TLE4: variants seen among roughly 807,000 people sequenced by gnomAD.
TLE4 encodes transducin-like enhancer protein 4.
A neutral mutation model predicts 92.8 loss-of-function variants in TLE4; 8 were observed. The ratio of observed to expected loss-of-function variants is 0.09; its 90% CI spans 0.05 to 0.16. The LOEUF is 0.16. Among genes scored for constraint, TLE4 ranks in the 10% least tolerant of loss-of-function variants. The probability of loss-of-function intolerance (pLI) is 1.00; values close to 1 mark genes in which losing one functional copy is unlikely to be tolerated. For synonymous variants in TLE4, 371 were observed against 374.1 expected (o/e 0.99, Z 0.10); for missense variants, 675 against 997.6 (o/e 0.68, Z 4.36).
At chr9:79,661,226 C>CT (rs1016878433) in intron 8 of TLE4, among the ~76,000 whole-genome samples, 39 of 152,078 alleles carry the variant, frequency 2.6e-4, no homozygotes, top group African/African-American at 8.7e-4. Flanking sequence ...CGTTCACCAT[C>CT]TTTTTTTTGT....
intron 6 of TLE4, among the ~76,000 whole-genome samples, chr9:79,634,366 T>G (rs1167919064): frequency 6.6e-6 from 1 of 152,176 alleles, no homozygotes; most frequent in Admixed American, 6.6e-5. Flanking sequence ...GAGAAATAGT[T>G]AATAAAAAAC....
chr9:79,719,786 G>A (rs1355015272), intron 15 of TLE4, among the ~76,000 whole-genome samples: 34 of 152,158 alleles, frequency 2.2e-4, no homozygotes, highest in Admixed American at 2.2e-3. Flanking sequence ...TTAATTTGGT[G>A]GTGGTGGGAG....
intron 12 of TLE4, 33 bp from the exon 13 acceptor site, chr9:79,708,560 C>A (rs2072337964): frequency 1.3e-6 from 2 of 1,584,458 alleles, no homozygotes; most frequent in South Asian, 1.1e-5. Context: ...TTCCTGTGTT[C>A]TTCATTTTTC....
chr9:79,650,785 C>G (rs929795788), intron 6 of TLE4, among the ~76,000 whole-genome samples: 4 of 152,000 alleles, frequency 2.6e-5, no homozygotes, highest in Non-Finnish European at 5.9e-5. Flanking sequence ...TGTAAACTTG[C>G]TTTTCAAAGT....
intron 14 of TLE4, among the ~76,000 whole-genome samples, chr9:79,711,015 C>G (rs1227617214): frequency 6.6e-6 from 1 of 152,172 alleles, no homozygotes; most frequent in East Asian, 1.9e-4. Context: ...TAGTTTTCAC[C>G]CTGGTGTTAA....
At chr9:79,621,630 A>G (rs1326201613) in intron 5 of TLE4, among the ~76,000 whole-genome samples, 1 of 152,106 alleles carries the variant, frequency 6.6e-6, no homozygotes, top group Admixed American at 6.5e-5. Flanking sequence ...TGGATAGAGT[A>G]GTGGCCTTTG....
chr9:79,710,987 C>G (rs1188076877), intron 14 of TLE4, among the ~76,000 whole-genome samples: 1 of 152,182 alleles, frequency 6.6e-6, no homozygotes, highest in Non-Finnish European at 1.5e-5. Flanking sequence ...TTTATTCACT[C>G]CCACACACTC....
At chr9:79,579,299 A>G (rs1204956082) in intron 4 of TLE4, among the ~76,000 whole-genome samples, 1 of 152,218 alleles carries the variant, frequency 6.6e-6, no homozygotes, top group African/African-American at 2.4e-5. Flanking sequence ...AGTTGATAGC[A>G]TTACTAAATG....
chr9:79,619,746 G>A (rs185620362), intron 5 of TLE4, among the ~76,000 whole-genome samples: 4 of 152,300 alleles, frequency 2.6e-5, no homozygotes, highest in Non-Finnish European at 5.9e-5. Flanking sequence ...GCCATATATC[G>A]GAAGAATGTC....
chr9:79,672,072 C>A (rs1322066747), intron 8 of TLE4, among the ~76,000 whole-genome samples: 1 of 129,556 alleles, frequency 7.7e-6, no homozygotes, highest in Non-Finnish European at 1.5e-5. Flanking sequence ...GTGATTAGTG[C>A]CCTGCTACAT....
intron 6 of TLE4, among the ~76,000 whole-genome samples, chr9:79,651,039 CTCTCTCTCT>C (rs2058882568): frequency 2.7e-5 from 1 of 36,382 alleles, no homozygotes; most frequent in Admixed American, 4.1e-4. Flanking sequence ...CGATCTCTCT[CTCTCTCTCT>C]CTCTCTCTCT....
chr9:79,625,383 T>TTCTTAAAC (rs2052340934), intron 5 of TLE4, among the ~76,000 whole-genome samples: 1 of 152,178 alleles, frequency 6.6e-6, no homozygotes, highest in Non-Finnish European at 1.5e-5. Context: ...GTTCTATGTT[T>TTCTTAAAC]TTGATCGCTT....
intron 6 of TLE4, among the ~76,000 whole-genome samples, chr9:79,646,830 T>C (rs2058176439): frequency 6.6e-6 from 1 of 152,198 alleles, no homozygotes; most frequent in South Asian, 2.1e-4. Context: ...TTGATAAAAA[T>C]TGCTCCCTTC....
chr9:79,722,698 C>G (rs2075830000), intron 18 of TLE4, 97 bp downstream of exon 18: 6 of 1,426,292 alleles, frequency 4.2e-6, no homozygotes. Context: ...AGTTCATTAC[C>G]ATGCCCCTCT....
At chr9:79,652,517 C>T in intron 6 of TLE4, 76 bp from the exon 7 acceptor site, 1 of 1,545,536 alleles carries the variant, frequency 6.5e-7, no homozygotes, top group Non-Finnish European at 8.9e-7. Context: ...CGATTTATGC[C>T]TCCTTTCTGT....
intron 8 of TLE4, among the ~76,000 whole-genome samples, chr9:79,689,534 A>G (rs1161765418): frequency 6.6e-6 from 1 of 152,190 alleles, no homozygotes; most frequent in Non-Finnish European, 1.5e-5. Flanking sequence ...CTTTGTCAGC[A>G]TTGTAGAGTC....
At chr9:79,600,350 G>A (rs1309257205) in intron 4 of TLE4, among the ~76,000 whole-genome samples, 1 of 152,040 alleles carries the variant, frequency 6.6e-6, no homozygotes. Context: ...TTTTCAGTTT[G>A]TGGTTGGGGA....
intron 8 of TLE4, among the ~76,000 whole-genome samples, chr9:79,658,513 T>C (rs2060079830): frequency 6.6e-6 from 1 of 152,210 alleles, no homozygotes; most frequent in Non-Finnish European, 1.5e-5. Context: ...ATTGCTTTTT[T>C]CTATCCCCCA....
At position 79,725,211 on chromosome 9, in the gene TLE4, C is replaced by T. The variant is rs58220140; in HGVS notation, c.*67C>T. The T allele has an allele frequency of 8.7e-7, 1 of 1,149,108 alleles. No homozygotes were observed. 71.2% of individuals were successfully genotyped at this position (1,149,108 alleles called of 1,614,324 possible). A position where few individuals can be genotyped will look rare whatever the true frequency, so the allele number is the denominator to read the frequency against. On this transcript the variant is annotated 3_prime_UTR_variant, in exon 20 of 20. Coordinates refer to ENST00000376552, the MANE Select transcript of TLE4 (RefSeq NM_007005.6). ...ACTTTGCTCTGTCATCCTTTTTGTT[C>T]ACCCCCATCCCCGCATCTAAAACCA...
Sources: allele counts gnomAD v4.1 joint callset (sites outside exome capture counted in the v4.1 genomes callset), GRCh38; gene constraint gnomAD v4.1.1; transcripts MANE v1.5; gene names NCBI Gene and HGNC (gene_info 2026-07-23, HGNC 2026-07-21).